Variants in BLCAP observed in about 807,000 individuals in gnomAD.
BLCAP encodes BLCAP apoptosis inducing factor.
Under a neutral mutation model 5.7 loss-of-function variants are expected in BLCAP, and 1 was observed. That is an observed-to-expected ratio of 0.18 (90% CI 0.06 to 0.83). BLCAP has a LOEUF of 0.83. Ranked by LOEUF, BLCAP falls within the 40% of genes least tolerant of loss-of-function variation. The pLI is 0.71. For missense variants in BLCAP, 66 were observed against 107.6 expected, an observed-to-expected ratio of 0.61 and a Z score of 1.71; for synonymous variants, 48 against 49.4, an observed-to-expected ratio of 0.97 and a Z score of 0.11.
chr20:37,523,091 C>G (rs976437278), intron 1 of BLCAP: 8 of 266,302 alleles, frequency 3.0e-5, no homozygotes, highest in African/African-American at 1.8e-4. Flanking sequence ...ATCCCAGCCC[C>G]GAAGCCAGGG....
At chr20:37,524,723 G>A (rs2147194921) in intron 1 of BLCAP, among the ~76,000 whole-genome samples, 1 of 152,262 alleles carries the variant, frequency 6.6e-6, no homozygotes, top group East Asian at 1.9e-4. Flanking sequence ...CCTCCCCTAA[G>A]CAAGCCCTTA....
rs762972061 is a variant in BLCAP, at chr20:37,521,420, T to G, written c.-176-2070A>C. On this transcript the variant is annotated intron_variant, in intron 1 of 1. Transcript: ENST00000373537. This position sits in a 1 kb window ranked among gnomAD's most constrained non-coding sequence, Gnocchi z 4.5. ...CTGCTGCAGGTAAGTCTGACGGGGT[T>G]TCGGGTGGGAGAGGGTTCCCAACTC... is the stretch of plus-strand genomic sequence containing the variant. 2 of 1,613,736 alleles carry G rather than the reference T, an allele frequency of 1.2e-6. No homozygotes were observed. The highest frequency in any genetic ancestry group is 2.2e-5 in the South Asian group (2 of 91,084).
chr20:37,521,652 C>T lies in BLCAP; in HGVS notation c.-176-2302G>A. 1 of 516,708 alleles carries T rather than the reference C, an allele frequency of 1.9e-6. No homozygotes were observed. Among genetic ancestry groups the T allele is most frequent in the Middle Eastern group, 5.1e-4 (1 of 1,948 alleles). 32.0% of individuals were successfully genotyped at this position (516,708 alleles called of 1,614,324 possible). On this transcript the variant is annotated intron_variant, in intron 1 of 1. Transcript: ENST00000373537. The surrounding 1 kb of genome is among the most constrained non-coding windows in gnomAD (Gnocchi z 4.5). ...AGACTCGGGGCGCGGCGGGCGACCG[C>T]TGCGGACGATCACCCAGGCATTTAG... is the stretch of plus-strand genomic sequence containing the variant.
intron 1 of BLCAP, chr20:37,522,470 C>A: frequency 6.3e-7 from 1 of 1,587,292 alleles, no homozygotes; most frequent in Non-Finnish European, 8.6e-7. Context: ...AATCAGCTTG[C>A]CGCCATGCAG....
chr20:37,527,098 G>C (rs941962707), intron 1 of BLCAP: 2 of 152,168 alleles, frequency 1.3e-5, no homozygotes, highest in East Asian at 1.9e-4. Context: ...ATTTGGAAAG[G>C]GGAAGGAAAA....
In BLCAP at chr20:37,521,193, C is replaced by T; in HGVS notation, c.-176-1843G>A. ...CTCCTCATAAACACCCCCCAAGGCG[C>T]GCATGCGCACTTAGGTGGCGGGCGG... On this transcript the variant is annotated intron_variant, in intron 1 of 1. Coordinates refer to ENST00000373537, the MANE Select transcript of BLCAP (RefSeq NM_006698.4). This position sits in a 1 kb window ranked among gnomAD's most constrained non-coding sequence, Gnocchi z 4.5. 1.2e-6 allele frequency: 1 copy of T among 816,230 alleles called. No homozygotes were observed. Among genetic ancestry groups the T allele is most frequent in the Admixed American group, 1.9e-5 (1 of 53,328 alleles). The allele number at this position is 816,230 out of a possible 1,614,324, so 50.6% of individuals were successfully genotyped here. A position where few individuals can be genotyped will look rare whatever the true frequency, so the allele number is the denominator to read the frequency against.
At chr20:37,522,719 G>A (rs990232441) in intron 1 of BLCAP, 7 of 1,611,762 alleles carry the variant, frequency 4.3e-6, no homozygotes, top group Admixed American at 3.3e-5. Context: ...CGGACCGGGC[G>A]GCAGGTGTTG....
intron 1 of BLCAP, among the ~76,000 whole-genome samples, chr20:37,524,889 A>C (rs2147195099): frequency 6.6e-6 from 1 of 152,290 alleles, no homozygotes; most frequent in Admixed American, 6.5e-5. Flanking sequence ...TGTACCCTTC[A>C]TCTCCAGTTT....
Position 37,518,830 on chromosome 20 carries a change from T to C in BLCAP, c.*81A>G. The C allele has an allele frequency of 6.5e-7, 1 of 1,538,128 alleles. No homozygotes were observed. Among genetic ancestry groups the C allele is most frequent in the South Asian group, 1.3e-5 (1 of 78,904 alleles). ...GTGACACCCGCGAGGCTGCGGGATT[T>C]GAAACTCCAATGCTTTATGACCTAT... On this transcript the variant is annotated 3_prime_UTR_variant, in exon 2 of 2. Transcript: ENST00000373537.
intron 1 of BLCAP, among the ~76,000 whole-genome samples, chr20:37,525,086 G>A (rs2071695856): frequency 6.6e-6 from 1 of 152,146 alleles, no homozygotes; most frequent in African/African-American, 2.4e-5. Flanking sequence ...TCGCCCCAGT[G>A]TGACTCATCA....
In BLCAP at chr20:37,519,042, T is replaced by C. The variant is rs569678965; in HGVS notation, c.133A>G (p.Ile45Val). The change falls in exon 2 of 2, where the codon ATT becomes GTT. Residue 45 changes from isoleucine (I) to valine (V), a missense_variant. Coordinates refer to ENST00000373537, the MANE Select transcript of BLCAP (RefSeq NM_006698.4). Reference protein sequence around the residue: ...SFLLERKPCTICALVFLAALF... With the variant: ...SFLLERKPCTVCALVFLAALF... The stretch of plus-strand genomic sequence containing the variant: ...GCTGCCAGGAAAACCAAGGCACAAA[T>C]TGTGCAAGGCTTCCGTTCCAGGAGG... 2 of 1,614,134 alleles carry C rather than the reference T, an allele frequency of 1.2e-6. No individual in the cohort carries two copies. The highest frequency in any genetic ancestry group is 1.1e-5 in the South Asian group (1 of 91,076).
Position 37,521,724 on chromosome 20 carries a change from G to C in BLCAP, c.-176-2374C>G, listed in dbSNP as rs953172686. 2 of 317,468 alleles carry C rather than the reference G, an allele frequency of 6.3e-6. No homozygotes were observed. Among genetic ancestry groups the C allele is most frequent in the Non-Finnish European group, 1.2e-5 (2 of 168,652 alleles). 19.7% of individuals were successfully genotyped at this position (317,468 alleles called of 1,614,324 possible). On this transcript the variant is annotated intron_variant, in intron 1 of 1. Coordinates refer to ENST00000373537, the MANE Select transcript of BLCAP (RefSeq NM_006698.4). This position sits in a 1 kb window ranked among gnomAD's most constrained non-coding sequence, Gnocchi z 4.5. ...CCCGCTACACCCGGACTCGACCCCAGGAGGGAGGCGGGGCACTACTGTGTT... is the reference window on the plus strand; with the variant it reads ...CCCGCTACACCCGGACTCGACCCCACGAGGGAGGCGGGGCACTACTGTGTT...
At chr20:37,526,425 G>A (rs2071723514) in intron 1 of BLCAP, among the ~76,000 whole-genome samples, 1 of 151,986 alleles carries the variant, frequency 6.6e-6, no homozygotes, top group Non-Finnish European at 1.5e-5. Context: ...ATCTTCCCTG[G>A]GAGTGATCCT....
At chr20:37,527,219 G>A (rs759299925) in intron 1 of BLCAP, among the ~76,000 whole-genome samples, 1 of 152,128 alleles carries the variant, frequency 6.6e-6, no homozygotes, top group Non-Finnish European at 1.5e-5. Context: ...GAAGGAAAGG[G>A]AAGGGATGTC....
At chr20:37,526,271 T>TCCCCCCCCCCCCCCCCCCCCCCCCC (rs11477433) in intron 1 of BLCAP, among the ~76,000 whole-genome samples, 13 of 125,178 alleles carry the variant, frequency 1.0e-4, no homozygotes, top group East Asian at 2.4e-4. Context: ...GCAGTTAACT[T>TCCCCCCCCCCCCCCCCCCCCCCCCC]CCCCCCCCCA....
At chr20:37,522,305 G>T (rs996548987) in intron 1 of BLCAP, 11 of 1,485,132 alleles carry the variant, frequency 7.4e-6, no homozygotes, top group African/African-American at 6.9e-5. Context: ...TTTGCAGGAA[G>T]AATTCCCTGC....
At chr20:37,522,040 GA>G (rs1008649447) in intron 1 of BLCAP, among the ~76,000 whole-genome samples, 9 of 150,684 alleles carry the variant, frequency 6.0e-5, no homozygotes, top group East Asian at 1.9e-4. Context: ...ACGCACTGCA[GA>G]AAAAAATTAG....
intron 1 of BLCAP, among the ~76,000 whole-genome samples, chr20:37,520,004 G>A (rs1284851007): frequency 1.3e-5 from 2 of 152,214 alleles, no homozygotes; most frequent in African/African-American, 2.4e-5. Flanking sequence ...CAACTTCTCC[G>A]AAAGTCAATG....
At chr20:37,522,847 T>TG (rs2071635514) in intron 1 of BLCAP, 12 of 1,241,686 alleles carry the variant, frequency 9.7e-6, no homozygotes, top group Admixed American at 2.3e-5. Context: ...CGCAGGAATG[T>TG]GGGGTCCCCT....
Sources: gnomAD v4.1 joint callset for allele counts (sites outside exome capture counted in the v4.1 genomes callset) on GRCh38, gnomAD v4.1.1 for gene constraint, Gnocchi (gnomAD v3.1) non-coding constraint, MANE v1.5 for transcripts, NCBI Gene and HGNC (gene_info 2026-07-23, HGNC 2026-07-21) for gene names.